The following MAP4 variants were observed in gnomAD, a reference collection of about 807,000 sequenced individuals.
MAP4 encodes microtubule-associated protein 4.
Under a neutral mutation model 170.2 loss-of-function variants are expected in MAP4, and 76 were observed. The observed-to-expected ratio is 0.45, with a 90% confidence interval of 0.37 to 0.54. The LOEUF (loss-of-function observed/expected upper bound fraction) is 0.54. Among genes scored for constraint, MAP4 ranks in the 20% least tolerant of loss-of-function variants. The pLI is 0.00. For missense variants in MAP4, 2,506 were observed against 2,748.0 expected (o/e 0.91, Z 1.97); for synonymous variants, 909 against 994.5 (o/e 0.91, Z 1.62).
intron 1 of MAP4, among the ~76,000 whole-genome samples, chr3:48,076,340 CAAA>C (rs202066552): frequency 7.2e-6 from 1 of 138,930 alleles, no homozygotes; most frequent in Non-Finnish European, 1.6e-5. Context: ...ACTAAAAATA[CAAA>C]AAAAAAAAAT....
intron 1 of MAP4, among the ~76,000 whole-genome samples, chr3:48,058,248 C>T (rs896655124): frequency 3.9e-5 from 6 of 152,080 alleles, no homozygotes; most frequent in Admixed American, 1.3e-4. Flanking sequence ...TTAGATATTA[C>T]CTCATTATTT....
intron 4 of MAP4, among the ~76,000 whole-genome samples, chr3:47,923,419 C>T (rs1468083301): frequency 6.6e-6 from 1 of 151,096 alleles, no homozygotes; most frequent in Non-Finnish European, 1.5e-5. Context: ...GAGGCTTCTT[C>T]TTCAGAAAAC....
chr3:47,853,062 A>G, intron 20 of MAP4, 101 bp downstream of exon 20: 1 of 1,614,232 alleles, frequency 6.2e-7, no homozygotes, highest in South Asian at 1.1e-5. Flanking sequence ...AGGTTACTTC[A>G]TTAAAATTTA....
chr3:47,854,020 C>T (rs2049731925), intron 19 of MAP4, among the ~76,000 whole-genome samples: 2 of 152,170 alleles, frequency 1.3e-5, no homozygotes, highest in Admixed American at 1.3e-4. Flanking sequence ...CTGCGAGAGG[C>T]CACTGGGGAG....
chr3:47,891,395 C>G, intron 10 of MAP4: 1 of 1,535,944 alleles, frequency 6.5e-7, no homozygotes, highest in South Asian at 1.2e-5. Context: ...CAATTTGTAG[C>G]TAGCTGTCTG....
At chr3:48,032,299 G>A (rs911595292) in intron 1 of MAP4, among the ~76,000 whole-genome samples, 4 of 151,748 alleles carry the variant, frequency 2.6e-5, no homozygotes, top group African/African-American at 9.7e-5. Context: ...GTTCGCGAGC[G>A]GCCTGGCCAA....
intron 4 of MAP4, among the ~76,000 whole-genome samples, chr3:47,926,836 G>A (rs566123558): frequency 2.6e-5 from 4 of 152,156 alleles, no homozygotes; most frequent in African/African-American, 4.8e-5. Flanking sequence ...GAATCTGGCC[G>A]AACTATATAC....
At chr3:48,061,586 A>G (rs375614958) in intron 1 of MAP4, among the ~76,000 whole-genome samples, 19 of 145,982 alleles carry the variant, frequency 1.3e-4, no homozygotes, top group East Asian at 4.1e-4. Context: ...CCAAAGTGCC[A>G]AGATTGCAGC....
intron 3 of MAP4, among the ~76,000 whole-genome samples, chr3:47,939,146 C>A (rs1334293039): frequency 6.6e-6 from 1 of 152,198 alleles, no homozygotes; most frequent in Non-Finnish European, 1.5e-5. Context: ...AAAGCCACCA[C>A]TTGGGCCTCA....
In MAP4 at chr3:47,910,854, G is replaced by C; in HGVS notation, c.3567C>G (p.Ser1189Arg). 6.5e-7 allele frequency: 1 copy of C among 1,535,996 alleles called. No individual in the cohort carries two copies. The highest frequency in any genetic ancestry group is 8.7e-7 in the Non-Finnish European group (1 of 1,146,874). ...CCTTCCATGGACACCTTCCTTCCTT[G>C]CTCTGGTTATTGACACCCATATCTT... ...VVKDMGVNNQ[S>R]KEGRCPWKDH... is the part of the protein sequence containing the mutation. The change falls in exon 9 of 21, where the codon AGC becomes AGG. Residue 1189 changes from serine to arginine, a missense_variant. Transcript: ENST00000683076.
At chr3:48,031,822 A>G (rs2100116264) in intron 1 of MAP4, among the ~76,000 whole-genome samples, 1 of 152,216 alleles carries the variant, frequency 6.6e-6, no homozygotes, top group Non-Finnish European at 1.5e-5. Context: ...AGGAGGTTCC[A>G]GTGAACTGTG....
chr3:47,934,042 A>G (rs947307067), intron 3 of MAP4, among the ~76,000 whole-genome samples: 4 of 152,144 alleles, frequency 2.6e-5, no homozygotes, highest in Admixed American at 6.5e-5. Context: ...TGTAAGGCCA[A>G]TTTTACATAG....
At chr3:47,983,569 G>A (rs1242942027) in intron 2 of MAP4, among the ~76,000 whole-genome samples, 1 of 151,782 alleles carries the variant, frequency 6.6e-6, no homozygotes, top group Admixed American at 6.6e-5. Flanking sequence ...TGTATTTTTA[G>A]TAGAAACAGG....
upstream of MAP4, among the ~76,000 whole-genome samples, chr3:48,020,927 T>G (rs1486635944): frequency 6.6e-6 from 1 of 152,124 alleles, no homozygotes; most frequent in African/African-American, 2.4e-5. Context: ...ACCTCCCAGG[T>G]AGCTGAGACT....
chr3:47,975,400 G>T, intron 3 of MAP4: 2 of 1,557,092 alleles, frequency 1.3e-6, no homozygotes, highest in East Asian at 2.4e-5. Context: ...GAAGTATAAC[G>T]ATGCTTAGGA....
At chr3:47,900,858 A>G (rs140546302) in intron 10 of MAP4, among the ~76,000 whole-genome samples, 139 of 152,322 alleles carry the variant, frequency 9.1e-4, no homozygotes, top group African/African-American at 3.2e-3. Context: ...AGAATCATCC[A>G]ACTAAACTAG....
At chr3:47,898,955 AAAAAC>A (rs1445626850) in intron 10 of MAP4, among the ~76,000 whole-genome samples, 3 of 152,140 alleles carry the variant, frequency 2.0e-5, no homozygotes, top group Non-Finnish European at 2.9e-5. Context: ...GACCTTGTTT[AAAAAC>A]AAAACAAAAC....
chr3:47,909,187 G>A lies in MAP4; in HGVS notation c.5234C>T (p.Thr1745Ile). Residue 1745 changes from threonine (T) to isoleucine (I), a missense_variant, in exon 9 of 21, where the codon ACA becomes ATA. Coordinates refer to ENST00000683076, the MANE Select transcript of MAP4 (RefSeq NM_001385682.1). ...ATCTTCCTTTTTCCCTTCTCCTGGT[G>A]TCTTTGATTCAGATTTTTCTGTCAT... is the stretch of plus-strand genomic sequence containing the variant. ...QKMTEKSESK[T>I]PGEGKKEDKS... The A allele has an allele frequency of 6.2e-7, 1 of 1,613,858 alleles. No homozygotes were observed.
At chr3:48,082,976 T>C (rs1044759042) in intron 1 of MAP4, among the ~76,000 whole-genome samples, 1 of 152,104 alleles carries the variant, frequency 6.6e-6, no homozygotes, top group Admixed American at 6.6e-5. Context: ...ATTCTACAAA[T>C]GCATGACCAC....
Sources: allele counts gnomAD v4.1 joint callset (sites outside exome capture counted in the v4.1 genomes callset), GRCh38; gene constraint gnomAD v4.1.1; transcripts MANE v1.5; gene names NCBI Gene and HGNC (gene_info 2026-07-23, HGNC 2026-07-21).